The following CAMTA1 variants were observed in gnomAD, a reference collection of about 807,000 sequenced individuals.
CAMTA1 encodes the protein calmodulin binding transcription activator 1, also known as calmodulin-binding transcription activator 1.
A neutral mutation model predicts 170.9 loss-of-function variants in CAMTA1; 27 were observed. That is an observed-to-expected ratio of 0.16 (90% CI 0.12 to 0.22). The LOEUF (loss-of-function observed/expected upper bound fraction) is 0.22. Ranked by LOEUF, CAMTA1 falls within the 10% of genes least tolerant of loss-of-function variation. CAMTA1 has a pLI of 1.00. For synonymous variants in CAMTA1, 833 were observed against 891.5 expected, an observed-to-expected ratio of 0.93 and a Z score of 1.17; for missense variants, 1,619 against 2,217.2, an observed-to-expected ratio of 0.73 and a Z score of 5.42.
At chr1:7,000,610 TG>T (rs1434801702) in intron 3 of CAMTA1, among the ~76,000 whole-genome samples, 1 of 152,190 alleles carries the variant, frequency 6.6e-6, no homozygotes, top group Non-Finnish European at 1.5e-5. Flanking sequence ...CCTTGGCCCG[TG>T]GAAGTCCAAG....
At chr1:7,583,672 G>A (rs1167457188) in intron 6 of CAMTA1, among the ~76,000 whole-genome samples, 1 of 152,178 alleles carries the variant, frequency 6.6e-6, no homozygotes, top group Non-Finnish European at 1.5e-5. Flanking sequence ...GGGGGGCAGT[G>A]ACCAGACTCT....
intron 3 of CAMTA1, among the ~76,000 whole-genome samples, chr1:6,854,975 A>G (rs1661734875): frequency 6.6e-6 from 1 of 152,186 alleles, no homozygotes; most frequent in Non-Finnish European, 1.5e-5. Flanking sequence ...ACTGTCACCA[A>G]TTCTGTTTAT....
intron 5 of CAMTA1, among the ~76,000 whole-genome samples, chr1:7,368,553 C>A (rs2086195138): frequency 6.6e-6 from 1 of 152,118 alleles, no homozygotes; most frequent in South Asian, 2.1e-4. Context: ...AGTCAGTGAC[C>A]CCTTCCCAGG....
intron 6 of CAMTA1, among the ~76,000 whole-genome samples, chr1:7,590,448 C>T (rs1338306056): frequency 1.3e-5 from 2 of 152,232 alleles, no homozygotes; most frequent in African/African-American, 4.8e-5. Context: ...GCCCCGCTGG[C>T]TCTTCAGGAT....
chr1:7,490,345 A>G (rs2093683599), intron 6 of CAMTA1, among the ~76,000 whole-genome samples: 1 of 152,172 alleles, frequency 6.6e-6, no homozygotes, highest in Non-Finnish European at 1.5e-5. Context: ...TAAAGTCGGA[A>G]CTGTCATTAT....
At position 7,018,993 on chromosome 1, in the gene CAMTA1, C is replaced by T. The variant is rs181920493; in HGVS notation, c.235-72311C>T. 1.8e-3 allele frequency among the ~76,000 whole-genome samples: 268 copies of T among 152,304 alleles called. 1 individual carries two copies. The highest frequency in any genetic ancestry group is 3.2e-3 in the Non-Finnish European group (218 of 68,032). On this transcript the variant is annotated intron_variant, in intron 3 of 22. Coordinates refer to ENST00000303635, the MANE Select transcript of CAMTA1 (RefSeq NM_015215.4). ...CCCTCCTGGCTGCAGGGTGCCTGTTCCTTCCCTGGTTCTGTGCACCTCCAT... is the reference window on the plus strand; with the variant it reads ...CCCTCCTGGCTGCAGGGTGCCTGTTTCTTCCCTGGTTCTGTGCACCTCCAT...
At chr1:7,220,130 C>G (rs12562461) in intron 4 of CAMTA1, among the ~76,000 whole-genome samples, 3,229 of 152,298 alleles carry the variant, frequency 0.021, 68 homozygotes, top group East Asian at 0.094. Flanking sequence ...TTACAGCATT[C>G]TCATACAAAG....
chr1:6,823,838 A>G (rs17494285), intron 2 of CAMTA1, among the ~76,000 whole-genome samples: 2,720 of 152,328 alleles, frequency 0.018, 44 homozygotes, highest in Non-Finnish European at 0.026. Flanking sequence ...ATTATTAACC[A>G]ATGCCTGTAT....
At chr1:7,652,897 CTGTGTG>C (rs2095857015) in intron 7 of CAMTA1, among the ~76,000 whole-genome samples, 1 of 152,212 alleles carries the variant, frequency 6.6e-6, no homozygotes, top group South Asian at 2.1e-4. Flanking sequence ...TACGCACCTG[CTGTGTG>C]ACCTTGGGCA....
intron 5 of CAMTA1, among the ~76,000 whole-genome samples, chr1:7,368,669 C>T (rs1270213427): frequency 1.3e-5 from 2 of 152,214 alleles, no homozygotes; most frequent in Admixed American, 6.5e-5. Context: ...CTTCTTTTCT[C>T]GTCTGCCCTC....
chr1:6,826,154 TC>T (rs1466688674), intron 3 of CAMTA1, among the ~76,000 whole-genome samples: 2 of 152,224 alleles, frequency 1.3e-5, no homozygotes, highest in African/African-American at 4.8e-5. Flanking sequence ...GCTAACTACT[TC>T]CTGATTCAGA....
At chr1:7,483,765 C>T (rs1484644540) in intron 6 of CAMTA1, among the ~76,000 whole-genome samples, 1 of 152,146 alleles carries the variant, frequency 6.6e-6, no homozygotes, top group Non-Finnish European at 1.5e-5. Context: ...CTGCAGCCTC[C>T]TGCTGACTGG....
At chr1:7,237,292 A>G (rs1664060908) in intron 4 of CAMTA1, among the ~76,000 whole-genome samples, 2 of 152,158 alleles carry the variant, frequency 1.3e-5, no homozygotes, top group Admixed American at 1.3e-4. Context: ...AACAGAGCTT[A>G]TTGCACAAAA....
rs887951382 is a variant in CAMTA1, at chr1:7,212,904, G to A, written c.303-36587G>A. Among the ~76,000 whole-genome samples, 23 of 152,276 alleles carry A rather than the reference G, an allele frequency of 1.5e-4. No homozygotes were observed. The East Asian group carries it at 1.7e-3, about 11-fold the overall frequency. On this transcript the variant is annotated intron_variant, in intron 4 of 22. Transcript: ENST00000303635. Reference sequence around the variant, plus strand: ...TTGGCTACTTTGACTCAGCATAATTGTCTCGCGATTCATCTAGATTGTTGC... The same window carrying A: ...TTGGCTACTTTGACTCAGCATAATTATCTCGCGATTCATCTAGATTGTTGC...
chr1:7,551,027 G>A (rs1026856294), intron 6 of CAMTA1, among the ~76,000 whole-genome samples: 7 of 152,164 alleles, frequency 4.6e-5, no homozygotes, highest in African/African-American at 1.2e-4. Context: ...TGGAACAGAT[G>A]CAGAGACAAC....
chr1:7,624,575 G>A (rs928804368), intron 6 of CAMTA1, among the ~76,000 whole-genome samples: 5 of 152,206 alleles, frequency 3.3e-5, no homozygotes, highest in Admixed American at 3.3e-4. Context: ...ATGGGTGGGT[G>A]GTGGGTGTGC....
intron 4 of CAMTA1, among the ~76,000 whole-genome samples, chr1:7,214,107 C>A (rs1051280646): frequency 6.6e-6 from 1 of 152,132 alleles, no homozygotes; most frequent in African/African-American, 2.4e-5. Context: ...ATTTTATAAT[C>A]CTTTGGGTAT....
chr1:7,519,294 T>A (rs1191052211), intron 6 of CAMTA1, among the ~76,000 whole-genome samples: 19 of 151,652 alleles, frequency 1.3e-4, no homozygotes, highest in East Asian at 1.9e-4. Context: ...CCAGGAGAGG[T>A]GGGGGCACAG....
rs561003383 is a variant in CAMTA1, at chr1:7,630,756, G to T, written c.511-9644G>T. Among the ~76,000 whole-genome samples, 687 of 152,326 alleles carry T rather than the reference G, an allele frequency of 4.5e-3. 3 individuals carry two copies. Among genetic ancestry groups the T allele is most frequent in the Non-Finnish European group, 7.4e-3 (501 of 68,030 alleles). Reference sequence around the variant, plus strand: ...CGCCTGTAGGCCCTCTGAAGCCCTTGCCAGCCATCGCTCAGAATCCTCCAG... The same window carrying T: ...CGCCTGTAGGCCCTCTGAAGCCCTTTCCAGCCATCGCTCAGAATCCTCCAG... On this transcript the variant is annotated intron_variant, in intron 6 of 22. Coordinates refer to ENST00000303635, the MANE Select transcript of CAMTA1 (RefSeq NM_015215.4).
Sources: allele counts gnomAD v4.1 joint callset (sites outside exome capture counted in the v4.1 genomes callset), GRCh38; gene constraint gnomAD v4.1.1; transcripts MANE v1.5; gene names NCBI Gene and HGNC (gene_info 2026-07-23, HGNC 2026-07-21).